Variants in ARMC9 observed in about 807,000 individuals in gnomAD.
ARMC9 encodes the protein lisH domain-containing protein ARMC9.
In ARMC9, 94 loss-of-function variants were observed where a neutral mutation model predicts 107.0. The ratio of observed to expected loss-of-function variants is 0.88; its 90% CI spans 0.74 to 1.04. The LOEUF is 1.04. Ranked by LOEUF, ARMC9 falls within the 50% of genes least tolerant of loss-of-function variation. The probability of loss-of-function intolerance (pLI) is 0.00; values close to 1 mark genes in which losing one functional copy is unlikely to be tolerated. For missense variants in ARMC9, 942 were observed against 1,030.1 expected (o/e 0.91, Z 1.17); for synonymous variants, 380 against 396.9 (o/e 0.96, Z 0.51).
At chr2:231,331,583 A>G (rs1454563053) in intron 19 of ARMC9, among the ~76,000 whole-genome samples, 1 of 152,172 alleles carries the variant, frequency 6.6e-6, no homozygotes, top group African/African-American at 2.4e-5. Context: ...AGCTTCCTGA[A>G]GAGGCTGGTT....
intron 1 of ARMC9, among the ~76,000 whole-genome samples, chr2:231,201,999 CTTTCTTT>C (rs1308444426): frequency 3.8e-5 from 5 of 130,080 alleles, no homozygotes; most frequent in African/African-American, 1.7e-4. Flanking sequence ...TTTTTTCTTT[CTTTCTTT>C]TTTTTTTTTT....
chr2:231,275,968 A>G (rs1448465452), intron 14 of ARMC9, among the ~76,000 whole-genome samples: 1 of 152,194 alleles, frequency 6.6e-6, no homozygotes, highest in African/African-American at 2.4e-5. Flanking sequence ...AAAAAAAACA[A>G]AAAACCTATT....
Position 231,276,709 on chromosome 2 carries a change from T to G in ARMC9, c.1408T>G (p.Cys470Gly), listed in dbSNP as rs1299644235. Reference protein sequence around the residue: ...WLVDVLKDPDCLSDYTLEYSV... With the variant: ...WLVDVLKDPDGLSDYTLEYSV... ...GGTTGATGTTCTGAAGGACCCTGAC[T>G]GCCTGTCTGACTACACGCTGGAGTA... Residue 470 changes from cysteine (C) to glycine (G), a missense_variant, in exon 15 of 25, where the codon TGC becomes GGC. Physicochemically the swap from Cys to Gly is radical, Grantham distance 159. Coordinates refer to ENST00000611582, the MANE Select transcript of ARMC9 (RefSeq NM_001352754.2). 1.2e-6 allele frequency: 2 copies of G among 1,614,072 alleles called. No homozygotes were observed. Among genetic ancestry groups the G allele is most frequent in the African/African-American group, 2.7e-5 (2 of 74,926 alleles).
intron 12 of ARMC9, among the ~76,000 whole-genome samples, chr2:231,266,640 A>G (rs575770383): frequency 1.3e-5 from 2 of 152,244 alleles, no homozygotes; most frequent in South Asian, 4.1e-4. Context: ...GCAAATTCCC[A>G]TTCTACTATC....
intron 19 of ARMC9, among the ~76,000 whole-genome samples, chr2:231,330,997 C>T (rs2043694214): frequency 6.6e-6 from 1 of 152,064 alleles, no homozygotes; most frequent in Admixed American, 6.6e-5. Flanking sequence ...CAAAAAGTAG[C>T]CGGATGTGGT....
At chr2:231,371,076 A>T in intron 24 of ARMC9, 1 of 461,272 alleles carries the variant, frequency 2.2e-6, no homozygotes. Context: ...AGCCAGTCGC[A>T]GCCCAGGTCA....
At chr2:231,224,175 C>T (rs952611355) in intron 6 of ARMC9, among the ~76,000 whole-genome samples, 13 of 152,132 alleles carry the variant, frequency 8.5e-5, no homozygotes, top group African/African-American at 2.7e-4. Flanking sequence ...GACTGGGCCC[C>T]GTGGCTCACG....
intron 23 of ARMC9, among the ~76,000 whole-genome samples, chr2:231,368,942 G>A (rs1003986691): frequency 1.3e-5 from 2 of 152,144 alleles, no homozygotes; most frequent in African/African-American, 4.8e-5. Flanking sequence ...AATTATTAAA[G>A]TGATATGTTA....
intron 19 of ARMC9, among the ~76,000 whole-genome samples, chr2:231,308,573 G>A (rs903542827): frequency 2.0e-5 from 3 of 152,122 alleles, no homozygotes; most frequent in East Asian, 1.9e-4. Flanking sequence ...TTAACAATAC[G>A]GGGAACACAG....
chr2:231,335,769 C>T (rs1302083742), intron 20 of ARMC9, among the ~76,000 whole-genome samples: 2 of 152,252 alleles, frequency 1.3e-5, no homozygotes, highest in African/African-American at 2.4e-5. Flanking sequence ...CCGTGCATAC[C>T]GTGCTGAGTA....
chr2:231,306,007 A>T (rs2042017092), intron 19 of ARMC9, among the ~76,000 whole-genome samples: 2 of 152,222 alleles, frequency 1.3e-5, no homozygotes, highest in Admixed American at 1.3e-4. Context: ...TGACGTTTAC[A>T]CTCCAACTTA....
chr2:231,352,704 T>C (rs933198719), intron 21 of ARMC9, among the ~76,000 whole-genome samples: 1 of 148,146 alleles, frequency 6.8e-6, no homozygotes, highest in Non-Finnish European at 1.5e-5. Flanking sequence ...GATAGATAGA[T>C]AGATGATAGG....
intron 19 of ARMC9, among the ~76,000 whole-genome samples, chr2:231,312,871 A>T (rs1036272575): frequency 6.6e-6 from 1 of 152,198 alleles, no homozygotes; most frequent in African/African-American, 2.4e-5. Flanking sequence ...GGTGTATAGT[A>T]TACATTCGGT....
intron 21 of ARMC9, among the ~76,000 whole-genome samples, chr2:231,347,029 A>G (rs2044844502): frequency 6.6e-6 from 1 of 152,234 alleles, no homozygotes; most frequent in South Asian, 2.1e-4. Context: ...ATCAGAGATA[A>G]GGATAGGGAA....
rs1489375684 is a variant in ARMC9 at position 231,331,910 on chromosome 2, C to CT, written c.1878+13_1878+14insT. On this transcript the variant is annotated intron_variant, in intron 20 of 24. Coordinates refer to ENST00000611582, the MANE Select transcript of ARMC9 (RefSeq NM_001352754.2). ...GGAGTACCTGGGGGTAAGTGCCACA[C>CT]AAAGGGTGGGGATCCTGAAACAGAA... 6.3e-7 allele frequency: 1 copy of CT among 1,598,312 alleles called. No individual in the cohort carries two copies. Among genetic ancestry groups the CT allele is most frequent in the East Asian group, 2.2e-5 (1 of 44,792 alleles).
intron 9 of ARMC9, 68 bp from the exon 10 acceptor site, chr2:231,256,518 G>A: frequency 6.4e-7 from 1 of 1,561,572 alleles, no homozygotes; most frequent in Non-Finnish European, 8.8e-7. Context: ...CTATTAGGGT[G>A]ATTTGGGATC....
At chr2:231,310,756 A>G (rs1015271327) in intron 19 of ARMC9, among the ~76,000 whole-genome samples, 40 of 151,788 alleles carry the variant, frequency 2.6e-4, no homozygotes, top group Admixed American at 1.5e-3. Context: ...AAAAAAAAAA[A>G]GGTAAGCTGT....
intron 7 of ARMC9, among the ~76,000 whole-genome samples, chr2:231,233,131 G>A (rs994587464): frequency 6.6e-6 from 1 of 152,202 alleles, no homozygotes; most frequent in African/African-American, 2.4e-5. Flanking sequence ...GATTACAGGC[G>A]TGAGCCACCG....
chr2:231,249,341 C>T (rs987875136), intron 9 of ARMC9, among the ~76,000 whole-genome samples: 2 of 152,096 alleles, frequency 1.3e-5, no homozygotes, highest in Non-Finnish European at 2.9e-5. Context: ...AGAAGTCCCG[C>T]GGGAGAACTG....
Sources: allele counts gnomAD v4.1 joint callset (sites outside exome capture counted in the v4.1 genomes callset), GRCh38; gene constraint gnomAD v4.1.1; transcripts MANE v1.5; gene names NCBI Gene and HGNC (gene_info 2026-07-23, HGNC 2026-07-21).